PEAK1: variants seen among roughly 807,000 people sequenced by gnomAD.
PEAK1 encodes inactive tyrosine-protein kinase PEAK1.
A neutral mutation model predicts 124.7 loss-of-function variants in PEAK1; 54 were observed. The ratio of observed to expected loss-of-function variants is 0.43; its 90% confidence interval spans 0.35 to 0.54. The LOEUF (loss-of-function observed/expected upper bound fraction) is 0.54, where lower values mean the gene tolerates loss of function less well. PEAK1 is among the 20% of genes least tolerant of loss of function. PEAK1 has a pLI of 0.01. For missense variants in PEAK1, 2,046 were observed against 2,134.5 expected, an observed-to-expected ratio of 0.96 and a Z score of 0.82; for synonymous variants, 719 against 760.0, an observed-to-expected ratio of 0.95 and a Z score of 0.89.
intron 5 of PEAK1, among the ~76,000 whole-genome samples, chr15:77,252,850 C>A (rs995044003): frequency 2.6e-5 from 4 of 152,138 alleles, no homozygotes; most frequent in African/African-American, 4.8e-5. Flanking sequence ...AATGACAAGT[C>A]ATTAAACTCG....
At chr15:77,390,281 G>C (rs942375078) in intron 1 of PEAK1, among the ~76,000 whole-genome samples, 11 of 152,184 alleles carry the variant, frequency 7.2e-5, no homozygotes, top group Admixed American at 2.0e-4. Flanking sequence ...AGGAAAGAGG[G>C]AGAAGAAAAA....
chr15:77,397,688 G>A (rs567604078), intron 1 of PEAK1, among the ~76,000 whole-genome samples: 36 of 152,190 alleles, frequency 2.4e-4, no homozygotes, highest in African/African-American at 8.7e-4. Flanking sequence ...AACCTAGAAA[G>A]GACAAATTCC....
intron 2 of PEAK1, among the ~76,000 whole-genome samples, chr15:77,325,030 T>C (rs564930491): frequency 1.3e-5 from 2 of 152,308 alleles, no homozygotes; most frequent in African/African-American, 4.8e-5. Flanking sequence ...ATGTATCAAA[T>C]TGAATTCAGT....
At chr15:77,222,156 A>G (rs1421210944) in intron 6 of PEAK1, among the ~76,000 whole-genome samples, 1 of 152,134 alleles carries the variant, frequency 6.6e-6, no homozygotes, top group Admixed American at 6.6e-5. Context: ...AAAGGAAACT[A>G]ATGAATAATT....
chr15:77,202,253 C>T (rs2058395999), intron 6 of PEAK1, among the ~76,000 whole-genome samples: 1 of 152,096 alleles, frequency 6.6e-6, no homozygotes, highest in Non-Finnish European at 1.5e-5. Context: ...TTCTCAGATC[C>T]TTGAACAACA....
chr15:77,331,062 A>C, intron 2 of PEAK1: 1 of 820,816 alleles, frequency 1.2e-6, no homozygotes, highest in African/African-American at 1.9e-5. Context: ...ATTGCATAGC[A>C]TTCCATTATA....
chr15:77,279,652 T>C (rs976152161), intron 5 of PEAK1, among the ~76,000 whole-genome samples: 2 of 152,222 alleles, frequency 1.3e-5, no homozygotes, highest in African/African-American at 4.8e-5. Flanking sequence ...ACTCTAAACT[T>C]TCCCTGTTCA....
chr15:77,170,515 T>C (rs941745648), intron 7 of PEAK1, among the ~76,000 whole-genome samples: 4 of 151,704 alleles, frequency 2.6e-5, no homozygotes, highest in Non-Finnish European at 5.9e-5. Context: ...GTGTGGGGAG[T>C]GTGGGGATAT....
intron 2 of PEAK1, among the ~76,000 whole-genome samples, chr15:77,354,798 G>A (rs2067407686): frequency 6.6e-6 from 1 of 152,144 alleles, no homozygotes; most frequent in Non-Finnish European, 1.5e-5. Context: ...CCAGCACTTT[G>A]GGAGGCCGAT....
At chr15:77,156,221 C>T (rs1377866249) in intron 8 of PEAK1, 2 of 155,196 alleles carry the variant, frequency 1.3e-5, no homozygotes, top group Non-Finnish European at 2.8e-5. Flanking sequence ...CTCCCCCAGC[C>T]TCGGTGCTGC....
chr15:77,198,062 G>A (rs1463708832), intron 6 of PEAK1, among the ~76,000 whole-genome samples: 3 of 152,014 alleles, frequency 2.0e-5, no homozygotes, highest in African/African-American at 7.2e-5. Context: ...AAACTTAAAT[G>A]AGAGAAATGT....
At chr15:77,120,191 C>T (rs898210060) in intron 9 of PEAK1, among the ~76,000 whole-genome samples, 24 of 152,284 alleles carry the variant, frequency 1.6e-4, no homozygotes, top group African/African-American at 5.5e-4. Context: ...GCCTGCTCTC[C>T]ATCCTAGTTT....
At chr15:77,215,690 C>T (rs1301149715) in intron 6 of PEAK1, among the ~76,000 whole-genome samples, 3 of 152,154 alleles carry the variant, frequency 2.0e-5, no homozygotes, top group African/African-American at 7.2e-5. Context: ...ACAGAAGGCC[C>T]ACTGGACATT....
chr15:77,206,759 T>C (rs887661875), intron 6 of PEAK1, among the ~76,000 whole-genome samples: 2 of 152,062 alleles, frequency 1.3e-5, no homozygotes, highest in African/African-American at 4.8e-5. Context: ...TGCGAAAATT[T>C]TCTCCCATTT....
At chr15:77,202,475 T>A (rs1339716568) in intron 6 of PEAK1, among the ~76,000 whole-genome samples, 1 of 151,888 alleles carries the variant, frequency 6.6e-6, no homozygotes, top group East Asian at 1.9e-4. Flanking sequence ...AAGAAAATCA[T>A]CTTTGGGGCT....
At chr15:77,314,702 G>C (rs1259791898) in intron 2 of PEAK1, among the ~76,000 whole-genome samples, 1 of 152,126 alleles carries the variant, frequency 6.6e-6, no homozygotes, top group Non-Finnish European at 1.5e-5. Flanking sequence ...AATAACAGTA[G>C]TCCTCTGGTA....
At chr15:77,262,154 C>T (rs949062827) in intron 5 of PEAK1, among the ~76,000 whole-genome samples, 3 of 152,178 alleles carry the variant, frequency 2.0e-5, no homozygotes, top group African/African-American at 7.2e-5. Context: ...ACTGCAAAAA[C>T]ATGTCAAACT....
At chr15:77,295,229 C>A (rs1423038286) in intron 2 of PEAK1, among the ~76,000 whole-genome samples, 1 of 151,966 alleles carries the variant, frequency 6.6e-6, no homozygotes, top group Non-Finnish European at 1.5e-5. Flanking sequence ...AACATGATGG[C>A]CTGTTCTCTT....
exon 7 of PEAK1, chr15:77,102,532 T>G (rs1257163736): frequency 6.6e-6 from 1 of 152,262 alleles, no homozygotes; most frequent in Non-Finnish European, 1.5e-5. Context: ...TTCTTTCCTT[T>G]GTGGCATGTA....
Sources: gnomAD v4.1 joint callset for allele counts (sites outside exome capture counted in the v4.1 genomes callset) on GRCh38, gnomAD v4.1.1 for gene constraint, MANE v1.5 for transcripts, NCBI Gene and HGNC (gene_info 2026-07-23, HGNC 2026-07-21) for gene names.